The following BBOX1 variants were observed in gnomAD, a reference collection of about 807,000 sequenced individuals.
The protein encoded by BBOX1 is gamma-butyrobetaine hydroxylase 1, also known as gamma-butyrobetaine dioxygenase.
A neutral mutation model predicts 41.6 loss-of-function variants in BBOX1; 35 were observed. The observed-to-expected ratio is 0.84, with a 90% confidence interval of 0.64 to 1.11. The LOEUF is 1.11. Ranked by LOEUF, BBOX1 falls within the 50% of genes most tolerant of loss-of-function variation. The pLI is 0.00. For synonymous variants in BBOX1, 163 were observed against 154.7 expected, an observed-to-expected ratio of 1.05 and a Z score of -0.40; for missense variants, 458 against 460.6, an observed-to-expected ratio of 0.99 and a Z score of 0.05.
chr11:27,093,049 T>C, intron 4 of BBOX1, 119 bp from the exon 5 acceptor site: 1 of 1,008,430 alleles, frequency 9.9e-7, no homozygotes, highest in South Asian at 1.7e-5. Flanking sequence ...GAATAACATT[T>C]AATAAAGTCC....
chr11:27,068,164 TAA>T (rs1857346660), intron 4 of BBOX1, among the ~76,000 whole-genome samples: 1 of 152,158 alleles, frequency 6.6e-6, no homozygotes, highest in Non-Finnish European at 1.5e-5. Flanking sequence ...CTCTTTTCCA[TAA>T]AGATTGTCCT....
chr11:27,060,072 G>T lies in BBOX1; in HGVS notation c.334+2757G>T, dbSNP rs186036786. On this transcript the variant is annotated intron_variant, in intron 4 of 8. Transcript: ENST00000263182. ...AGATTTGGGGGGCGAGGAGCAAAAT[G>T]ATATGGTTTGCATGTTCCACCCAAA... 6.3e-4 allele frequency among the ~76,000 whole-genome samples: 96 copies of T among 152,238 alleles called. 1 individual carries two copies. The highest frequency in any genetic ancestry group is 7.9e-4 in the Non-Finnish European group (54 of 68,020).
chr11:27,064,924 A>C (rs1023554769), intron 4 of BBOX1, among the ~76,000 whole-genome samples: 2 of 151,946 alleles, frequency 1.3e-5, no homozygotes, highest in Non-Finnish European at 2.9e-5. Flanking sequence ...AAAACAACAA[A>C]AAAAACATCT....
chr11:27,049,137 G>A (rs1590163766), intron 2 of BBOX1, among the ~76,000 whole-genome samples: 2 of 152 alleles, frequency 0.013, no homozygotes, highest in Non-Finnish European at 0.032. Flanking sequence ...AAGTTATTTG[G>A]GGGGGGGGAA....
chr11:27,101,171 T>G (rs2134061748), intron 5 of BBOX1, among the ~76,000 whole-genome samples: 1 of 152,238 alleles, frequency 6.6e-6, no homozygotes, highest in East Asian at 1.9e-4. Context: ...TACCTCCTAA[T>G]TTCCAATGCC....
In BBOX1 at chr11:27,067,418, T is replaced by C. The variant is rs576640502; in HGVS notation, c.334+10103T>C. Among the ~76,000 whole-genome samples the C allele has an allele frequency of 2.6e-4, 40 of 152,012 alleles. No individual in the cohort carries two copies. In the South Asian group the frequency reaches 5.0e-3, roughly 19 times the overall value. ...TCTCCAAAGTCCATTATACCACCAC[T>C]CTGCTTGCTTTTGCATACCCATAGT... On this transcript the variant is annotated intron_variant, in intron 4 of 8. Coordinates refer to ENST00000263182, the MANE Select transcript of BBOX1 (RefSeq NM_003986.3).
intron 4 of BBOX1, among the ~76,000 whole-genome samples, chr11:27,057,762 G>A (rs542880896): frequency 1.4e-4 from 21 of 151,222 alleles, no homozygotes; most frequent in African/African-American, 4.9e-4. Context: ...GAAACGGTAC[G>A]CATAGCACTG....
intron 5 of BBOX1, among the ~76,000 whole-genome samples, chr11:27,095,464 A>T (rs1858406842): frequency 6.6e-6 from 1 of 152,004 alleles, no homozygotes; most frequent in Non-Finnish European, 1.5e-5. Flanking sequence ...TAAATACTAA[A>T]GGTCTGTTGT....
In BBOX1 at chr11:27,125,810, G is replaced by A; in HGVS notation, c.993G>A (p.Lys331=). 1.9e-6 allele frequency: 3 copies of A among 1,609,578 alleles called. No homozygotes were observed. Among genetic ancestry groups the A allele is most frequent in the Admixed American group, 1.7e-5 (1 of 58,984 alleles). The part of the protein sequence containing the change: ...MNSKESKFTF[K]MNPGDVITFD... ...GCAAAGAATCCAAGTTTACCTTCAA[G>A]ATGAATCCAGGTCAGTGAATACATT... Residue 331 remains lysine, a synonymous_variant, in exon 8 of 9, where the codon AAG becomes AAA. Coordinates refer to ENST00000263182, the MANE Select transcript of BBOX1 (RefSeq NM_003986.3).
chr11:27,047,497 A>C (rs1214683660), intron 2 of BBOX1, among the ~76,000 whole-genome samples: 2 of 152,136 alleles, frequency 1.3e-5, no homozygotes, highest in South Asian at 4.1e-4. Flanking sequence ...GCACCCCTGG[A>C]CTGGGTATTC....
Position 27,055,531 on chromosome 11 carries a change from T to G in BBOX1, c.101T>G (p.Leu34Trp), listed in dbSNP as rs1250618761. ...EEESLYPAVW[L>W]RDNCPCSDCY... ...GAGTCTCTCTACCCAGCTGTATGGT[T>G]GAGAGACAACTGTCCGTGCTCTGAT... The change falls in exon 3 of 9, where the codon TTG (leucine) becomes TGG (tryptophan). Residue 34 changes from leucine to tryptophan, a missense_variant. Transcript: ENST00000263182. The G allele has an allele frequency of 1.2e-6, 2 of 1,614,028 alleles. No individual in the cohort carries two copies. The highest frequency in any genetic ancestry group is 8.5e-7 in the Non-Finnish European group (1 of 1,179,992).
intron 4 of BBOX1, among the ~76,000 whole-genome samples, chr11:27,058,013 C>G (rs1036538839): frequency 1.3e-5 from 2 of 152,044 alleles, no homozygotes; most frequent in African/African-American, 4.8e-5. Context: ...AGGAGATACA[C>G]AGTAATAGAA....
intron 4 of BBOX1, among the ~76,000 whole-genome samples, chr11:27,058,030 C>T (rs751554285): frequency 6.6e-6 from 1 of 152,206 alleles, no homozygotes. Flanking sequence ...AGAACTCAAG[C>T]AGAGGAACTG....
chr11:27,060,412 GA>G (rs1857103186), intron 4 of BBOX1, among the ~76,000 whole-genome samples: 1 of 152,072 alleles, frequency 6.6e-6, no homozygotes, highest in South Asian at 2.1e-4. Flanking sequence ...GTAGAACAGT[GA>G]TCCAATTAAA....
chr11:27,124,309 G>A (rs1859568702), intron 7 of BBOX1, among the ~76,000 whole-genome samples: 1 of 152,008 alleles, frequency 6.6e-6, no homozygotes, highest in African/African-American at 2.4e-5. Context: ...ACCATCCTTG[G>A]TCACCTTCAG....
At chr11:27,084,036 T>C (rs1857943955) in intron 4 of BBOX1, among the ~76,000 whole-genome samples, 1 of 151,962 alleles carries the variant, frequency 6.6e-6, no homozygotes, top group South Asian at 2.1e-4. Context: ...TAATCTCCCC[T>C]CTCTGCCTGA....
intron 7 of BBOX1, among the ~76,000 whole-genome samples, chr11:27,120,602 T>A (rs1859428467): frequency 6.6e-6 from 1 of 152,136 alleles, no homozygotes; most frequent in African/African-American, 2.4e-5. Context: ...AATATTATTT[T>A]ATTATAATTT....
Position 27,127,358 on chromosome 11 carries a change from G to C in BBOX1, c.1069G>C (p.Glu357Gln), listed in dbSNP as rs770438270. The change falls in exon 9 of 9, where the codon GAG (glutamate) becomes CAG (glutamine). Residue 357 changes from glutamate (E) to glutamine (Q), a missense_variant. Transcript: ENST00000263182. ...CCGACGTAGCTATGAAGCAGGAACT[G>C]AGATATCCCGCCATCTAGAAGGAGC... is the stretch of plus-strand genomic sequence containing the variant. Reference protein sequence around the residue: ...HGRRSYEAGTEISRHLEGAYA... With the variant: ...HGRRSYEAGTQISRHLEGAYA... 47 of 1,614,050 alleles carry C rather than the reference G, an allele frequency of 2.9e-5. No homozygotes were observed. Among genetic ancestry groups the C allele is most frequent in the Non-Finnish European group, 3.9e-5 (46 of 1,180,022 alleles).
At chr11:27,077,906 A>G (rs1857690427) in intron 4 of BBOX1, among the ~76,000 whole-genome samples, 1 of 152,040 alleles carries the variant, frequency 6.6e-6, no homozygotes, top group African/African-American at 2.4e-5. Context: ...CATACCCAGC[A>G]TGCACAATTC....
Sources: allele counts gnomAD v4.1 joint callset (sites outside exome capture counted in the v4.1 genomes callset), GRCh38; gene constraint gnomAD v4.1.1; transcripts MANE v1.5; gene names NCBI Gene and HGNC (gene_info 2026-07-23, HGNC 2026-07-21).